Variants in PLPP4 observed in about 807,000 individuals in gnomAD.
PLPP4 encodes the protein phospholipid phosphatase 4.
PLPP4 carries 20 observed loss-of-function variants against 32.2 expected under a neutral mutation model. The ratio of observed to expected loss-of-function variants is 0.62; its 90% CI spans 0.44 to 0.90. The LOEUF (loss-of-function observed/expected upper bound fraction) is 0.90. PLPP4 is among the 40% of genes least tolerant of loss of function. PLPP4 has a pLI of 0.00. For synonymous variants in PLPP4, 127 were observed against 133.0 expected (o/e 0.95, Z 0.31); for missense variants, 257 against 353.1 (o/e 0.73, Z 2.18).
Position 120,586,994 on chromosome 10 carries a change from C to T in PLPP4, c.617-2309C>T, listed in dbSNP as rs187664395. Among the ~76,000 whole-genome samples, 5 of 151,264 alleles carry T rather than the reference C, an allele frequency of 3.3e-5. No individual in the cohort carries two copies. In the East Asian group the frequency reaches 8.0e-4, roughly 24 times the overall value. On this transcript the variant is annotated intron_variant, in intron 6 of 6. Coordinates refer to ENST00000398250, the MANE Select transcript of PLPP4 (RefSeq NM_001030059.3). ...AATATGAATAGAAATGACATTGAGC[C>T]CTGAAATATGACTAGAAATGATATC...
At chr10:120,514,274 G>A (rs138840252) in intron 3 of PLPP4, among the ~76,000 whole-genome samples, 2 of 152,262 alleles carry the variant, frequency 1.3e-5, no homozygotes, top group African/African-American at 4.8e-5. Flanking sequence ...CTGCTCAGGC[G>A]CAGACTCCGG....
At chr10:120,541,411 G>A (rs1055426569) in intron 5 of PLPP4, among the ~76,000 whole-genome samples, 4 of 152,194 alleles carry the variant, frequency 2.6e-5, no homozygotes, top group African/African-American at 9.7e-5. Context: ...TGATGGGAGA[G>A]CCAGCGACTG....
rs369622716 is a variant in PLPP4, at chr10:120,547,307, CT to C, written c.445+26213del. ...AGAAATTAGAGGGCAAATCATAACC[CT>C]ATGAGAACCTATTATTTAATAAAAA... On this transcript the variant is annotated intron_variant, in intron 5 of 6. Transcript: ENST00000398250. Among the ~76,000 whole-genome samples the C allele has an allele frequency of 2.2e-4, 33 of 152,004 alleles. 1 individual carries two copies. In the South Asian group the frequency reaches 4.2e-3, roughly 19 times the overall value.
At chr10:120,583,993 A>T (rs561464815) in intron 6 of PLPP4, among the ~76,000 whole-genome samples, 40 of 152,302 alleles carry the variant, frequency 2.6e-4, no homozygotes, top group African/African-American at 9.4e-4. Flanking sequence ...CATGGAAAAC[A>T]TTCTGCTCCA....
At chr10:120,498,622 G>C (rs1399919457) in intron 1 of PLPP4, among the ~76,000 whole-genome samples, 1 of 150,674 alleles carries the variant, frequency 6.6e-6, no homozygotes, top group Admixed American at 6.6e-5. Flanking sequence ...AGGGCCCTGA[G>C]TTATGTACAT....
chr10:120,506,683 A>G (rs1845505026), intron 2 of PLPP4, among the ~76,000 whole-genome samples: 1 of 152,226 alleles, frequency 6.6e-6, no homozygotes, highest in Admixed American at 6.5e-5. Context: ...AGAGGAGCCA[A>G]TTCGGCAAAT....
intron 2 of PLPP4, among the ~76,000 whole-genome samples, chr10:120,505,585 G>T (rs1845456167): frequency 6.6e-6 from 1 of 152,140 alleles, no homozygotes; most frequent in Admixed American, 6.5e-5. Flanking sequence ...GGAAAGATCT[G>T]TGTTTTTGCA....
intron 5 of PLPP4, among the ~76,000 whole-genome samples, chr10:120,532,016 C>A (rs1846761210): frequency 6.6e-6 from 1 of 152,100 alleles, no homozygotes; most frequent in African/African-American, 2.4e-5. Flanking sequence ...CACCCATCAA[C>A]CCATCGTCTA....
Position 120,558,636 on chromosome 10 carries a change from G to A in PLPP4, c.446-16495G>A, listed in dbSNP as rs923307904. ...GCACCATGTTGGCCAGGCTGGTCTC[G>A]AAGTCCTCACCTTAAAGTGATCCGC... On this transcript the variant is annotated intron_variant, in intron 5 of 6. Coordinates refer to ENST00000398250, the MANE Select transcript of PLPP4 (RefSeq NM_001030059.3). Among the ~76,000 whole-genome samples the A allele has an allele frequency of 4.6e-5, 7 of 152,000 alleles. No homozygotes were observed. The South Asian group carries it at 6.2e-4, about 14-fold the overall frequency.
intron 5 of PLPP4, among the ~76,000 whole-genome samples, chr10:120,542,708 C>T (rs954068577): frequency 6.6e-6 from 1 of 152,190 alleles, no homozygotes; most frequent in Non-Finnish European, 1.5e-5. Flanking sequence ...TTCTCAATTC[C>T]GCAGGCGCTG....
At chr10:120,463,394 A>G (rs1589707711) in intron 1 of PLPP4, among the ~76,000 whole-genome samples, 1 of 152,218 alleles carries the variant, frequency 6.6e-6, no homozygotes, top group Admixed American at 6.5e-5. Context: ...CTTTGGAGCC[A>G]GACAGGTCTG....
At chr10:120,516,829 A>G (rs1226623852) in intron 3 of PLPP4, among the ~76,000 whole-genome samples, 1 of 152,168 alleles carries the variant, frequency 6.6e-6, no homozygotes, top group African/African-American at 2.4e-5. Flanking sequence ...TCTGGTATCA[A>G]TGAGGGGCTC....
Position 120,516,135 on chromosome 10 carries a change from T to TC in PLPP4, c.256+2135dup, listed in dbSNP as rs1329548649. ...CCCATTGTGTGTAGAGGTTTTTTTT[T>TC]CAATCACTATTTTTAGGAAGCCTCG... On this transcript the variant is annotated intron_variant, in intron 3 of 6. Coordinates refer to ENST00000398250, the MANE Select transcript of PLPP4 (RefSeq NM_001030059.3). Among the ~76,000 whole-genome samples the TC allele has an allele frequency of 9.8e-5, 15 of 152,328 alleles. 1 individual carries two copies. Among genetic ancestry groups the TC allele is most frequent in the East Asian group, 7.7e-4 (4 of 5,178 alleles).
At chr10:120,499,784 C>A (rs887199933) in intron 1 of PLPP4, among the ~76,000 whole-genome samples, 1 of 152,200 alleles carries the variant, frequency 6.6e-6, no homozygotes, top group Admixed American at 6.5e-5. Flanking sequence ...TAACACACTG[C>A]TGGAGACCAC....
At position 120,575,192 on chromosome 10, in the gene PLPP4, C is replaced by G; in HGVS notation, c.507C>G (p.Thr169=). The G allele has an allele frequency of 6.2e-7, 1 of 1,613,992 alleles. No individual in the cohort carries two copies. The highest frequency in any genetic ancestry group is 1.1e-5 in the South Asian group (1 of 91,082). ...TGGCGGGCAAGCTGCACTGCTTCAC[C>G]GAGAGTGGGCGGGGAAAGAGCTGGC... The part of the protein sequence containing the change: ...FYLAGKLHCF[T]ESGRGKSWRL... The change falls in exon 6 of 7, where the codon ACC becomes ACG. Residue 169 remains threonine, a synonymous_variant. Transcript: ENST00000398250.
At chr10:120,476,711 A>T (rs1045104516) in intron 1 of PLPP4, among the ~76,000 whole-genome samples, 1 of 152,162 alleles carries the variant, frequency 6.6e-6, no homozygotes, top group Non-Finnish European at 1.5e-5. Flanking sequence ...CTCTACCTCT[A>T]CTTGTATTAC....
At chr10:120,505,518 A>G (rs1030245093) in intron 2 of PLPP4, among the ~76,000 whole-genome samples, 2 of 152,156 alleles carry the variant, frequency 1.3e-5, no homozygotes, top group Non-Finnish European at 2.9e-5. Flanking sequence ...ACATTTTTGT[A>G]TTTTGAAAGA....
At chr10:120,498,673 T>A (rs1040296321) in intron 1 of PLPP4, among the ~76,000 whole-genome samples, 2 of 151,784 alleles carry the variant, frequency 1.3e-5, no homozygotes, top group Non-Finnish European at 2.9e-5. Flanking sequence ...TTTTTCTTTT[T>A]TTTTTGAGAT....
intron 1 of PLPP4, among the ~76,000 whole-genome samples, chr10:120,489,979 G>A (rs1035094445): frequency 6.6e-6 from 1 of 152,208 alleles, no homozygotes; most frequent in African/African-American, 2.4e-5. Context: ...CAGACCACAA[G>A]CAGACAAGAA....
Sources: gnomAD v4.1 joint callset for allele counts (sites outside exome capture counted in the v4.1 genomes callset) on GRCh38, gnomAD v4.1.1 for gene constraint, MANE v1.5 for transcripts, NCBI Gene and HGNC (gene_info 2026-07-23, HGNC 2026-07-21) for gene names.